Variants in SORCS3 observed in about 807,000 individuals in gnomAD.
The protein encoded by SORCS3 is sortilin related VPS10 domain containing receptor 3, also known as VPS10 domain-containing receptor SorCS3.
Under a neutral mutation model 146.3 loss-of-function variants are expected in SORCS3, and 57 were observed. The ratio of observed to expected loss-of-function variants is 0.39; its 90% CI spans 0.31 to 0.49. The LOEUF (loss-of-function observed/expected upper bound fraction) is 0.49, where lower values mean the gene tolerates loss of function less well. Among genes scored for constraint, SORCS3 ranks in the 20% least tolerant of loss-of-function variants. SORCS3 has a pLI of 0.92. For missense variants in SORCS3, 1,341 were observed against 1,575.5 expected (o/e 0.85, Z 2.52); for synonymous variants, 653 against 618.5 (o/e 1.06, Z -0.83).
chr10:104,932,756 G>A (rs2019220339), intron 3 of SORCS3, among the ~76,000 whole-genome samples: 1 of 152,152 alleles, frequency 6.6e-6, no homozygotes, highest in Admixed American at 6.5e-5. Context: ...GCAGTAGAGC[G>A]ATCATAGCTC....
At chr10:105,160,011 A>G (rs1276455051) in intron 11 of SORCS3, among the ~76,000 whole-genome samples, 1 of 152,144 alleles carries the variant, frequency 6.6e-6, no homozygotes, top group Non-Finnish European at 1.5e-5. Flanking sequence ...CTGAGGAGAG[A>G]TGAAGGCAGG....
intron 14 of SORCS3, among the ~76,000 whole-genome samples, chr10:105,182,738 C>T (rs971770975): frequency 1.3e-5 from 2 of 152,052 alleles, no homozygotes; most frequent in Admixed American, 6.5e-5. Flanking sequence ...CTCTGTTGCC[C>T]AGGTTGGAGT....
Position 104,955,579 on chromosome 10 carries a change from G to A in SORCS3, c.796-21756G>A, listed in dbSNP as rs370609703. ...TTGTACAAAATATTCCCTGCTACTG[G>A]GTGTCTCCCTTTGGGAGGATTAGAT... On this transcript the variant is annotated intron_variant, in intron 3 of 26. Coordinates refer to ENST00000369701, the MANE Select transcript of SORCS3 (RefSeq NM_014978.3). Among the ~76,000 whole-genome samples the A allele has an allele frequency of 7.2e-5, 11 of 152,228 alleles. No homozygotes were observed. The East Asian group carries it at 1.5e-3, about 21-fold the overall frequency.
chr10:104,876,620 A>G (rs535397332), intron 2 of SORCS3, among the ~76,000 whole-genome samples: 3 of 151,938 alleles, frequency 2.0e-5, no homozygotes, highest in Non-Finnish European at 2.9e-5. Context: ...TAGAATTAGG[A>G]GTATTCCTCT....
intron 3 of SORCS3, among the ~76,000 whole-genome samples, chr10:104,962,822 T>C (rs1564723243): frequency 6.6e-6 from 1 of 152,212 alleles, no homozygotes; most frequent in Non-Finnish European, 1.5e-5. Context: ...CTCATAATCT[T>C]GCCACTTAGG....
rs59376899 is a variant in SORCS3 at position 104,788,610 on chromosome 10, G to C, written c.628-54182G>C. On this transcript the variant is annotated intron_variant, in intron 1 of 26. Transcript: ENST00000369701. ...AGCTTTTCATAGAAAACCCTTTAGT[G>C]CTTCTGGATTTGTGTTTTGTTTTCT... is the stretch of plus-strand genomic sequence containing the variant. 8.6e-3 allele frequency among the ~76,000 whole-genome samples: 1,307 copies of C among 152,220 alleles called. 16 individuals carry two copies. The highest frequency in any genetic ancestry group is 0.03 in the African/African-American group (1,238 of 41,544).
intron 3 of SORCS3, among the ~76,000 whole-genome samples, chr10:104,925,760 G>A (rs1177363117): frequency 2.6e-5 from 4 of 152,330 alleles, no homozygotes; most frequent in Admixed American, 2.6e-4. Context: ...ATGAATTGCT[G>A]TGGTCCACAG....
chr10:104,899,175 A>C (rs867295937), intron 2 of SORCS3, among the ~76,000 whole-genome samples: 11 of 152,326 alleles, frequency 7.2e-5, no homozygotes, highest in Middle Eastern at 3.4e-3. Context: ...CATCAGACAG[A>C]CCTGATATTT....
intron 1 of SORCS3, among the ~76,000 whole-genome samples, chr10:104,806,942 C>T (rs567625004): frequency 6.6e-6 from 1 of 152,152 alleles, no homozygotes; most frequent in African/African-American, 2.4e-5. Flanking sequence ...TTGAGATCTC[C>T]CTTTCCATTT....
chr10:105,115,441 A>G (rs973549650), intron 7 of SORCS3, among the ~76,000 whole-genome samples: 1 of 152,192 alleles, frequency 6.6e-6, no homozygotes, highest in Non-Finnish European at 1.5e-5. Flanking sequence ...CGATCACATA[A>G]AAGATTACTA....
chr10:105,148,313 A>C (rs1212973469), intron 9 of SORCS3, among the ~76,000 whole-genome samples: 1 of 152,154 alleles, frequency 6.6e-6, no homozygotes, highest in East Asian at 1.9e-4. Context: ...AGGGTAAAAA[A>C]CTGGCCTTGA....
In SORCS3 at chr10:104,641,604, C is replaced by A; in HGVS notation, c.277C>A (p.Gln93Lys). ...RRAGPELLPQQGGGRGGEMQV... is the reference protein window; with the variant it reads ...RRAGPELLPQKGGGRGGEMQV... Reference sequence around the variant, plus strand: ...GGCCGGACCAGAGCTGCTGCCCCAGCAGGGCGGCGGCAGAGGCGGTGAGAT... The same window carrying A: ...GGCCGGACCAGAGCTGCTGCCCCAGAAGGGCGGCGGCAGAGGCGGTGAGAT... The change falls in exon 1 of 27, where the codon CAG becomes AAG. Residue 93 changes from glutamine to lysine, a missense_variant. Coordinates refer to ENST00000369701, the MANE Select transcript of SORCS3 (RefSeq NM_014978.3). The surrounding 1 kb of genome is among the most constrained non-coding windows in gnomAD (Gnocchi z 6.4). 4.6e-6 allele frequency: 7 copies of A among 1,516,710 alleles called. No homozygotes were observed. The highest frequency in any genetic ancestry group is 6.1e-6 in the Non-Finnish European group (7 of 1,139,484). 94.0% of individuals were successfully genotyped at this position (1,516,710 alleles called of 1,614,324 possible).
chr10:105,131,766 C>T (rs917573588), intron 7 of SORCS3, among the ~76,000 whole-genome samples: 6 of 151,894 alleles, frequency 4.0e-5, no homozygotes, highest in African/African-American at 9.7e-5. Context: ...CATAATATGG[C>T]CAGAGGAGAA....
At chr10:105,137,320 T>G (rs758031718) in intron 7 of SORCS3, among the ~76,000 whole-genome samples, 2 of 152,062 alleles carry the variant, frequency 1.3e-5, no homozygotes, top group Non-Finnish European at 2.9e-5. Flanking sequence ...GGTGACCAGA[T>G]GATATATTTT....
chr10:104,995,018 T>C (rs1449218320), intron 4 of SORCS3, among the ~76,000 whole-genome samples: 2 of 152,188 alleles, frequency 1.3e-5, no homozygotes, highest in African/African-American at 4.8e-5. Context: ...AACCATTTCC[T>C]AAAGTGTTTG....
At chr10:105,258,588 A>G (rs1426379470) in intron 25 of SORCS3, among the ~76,000 whole-genome samples, 2 of 152,200 alleles carry the variant, frequency 1.3e-5, no homozygotes, top group African/African-American at 4.8e-5. Flanking sequence ...GATCCAAAGT[A>G]AGGATACTTA....
chr10:104,740,280 C>T (rs1168757255), intron 1 of SORCS3, among the ~76,000 whole-genome samples: 3 of 152,152 alleles, frequency 2.0e-5, no homozygotes, highest in Admixed American at 6.5e-5. Context: ...CATGTACTAC[C>T]GAGTTAAATA....
intron 14 of SORCS3, among the ~76,000 whole-genome samples, chr10:105,187,746 T>C (rs981499679): frequency 1.3e-5 from 2 of 152,228 alleles, no homozygotes; most frequent in African/African-American, 2.4e-5. Context: ...AGAACATTTA[T>C]TATTTCTTTA....
intron 20 of SORCS3, among the ~76,000 whole-genome samples, chr10:105,230,009 C>T (rs2056757660): frequency 6.6e-6 from 1 of 152,160 alleles, no homozygotes; most frequent in Admixed American, 6.5e-5. Context: ...GTGGTTTAGT[C>T]TTCATATCTA....
Sources: allele counts gnomAD v4.1 joint callset (sites outside exome capture counted in the v4.1 genomes callset), GRCh38; gene constraint gnomAD v4.1.1; non-coding constraint Gnocchi (gnomAD v3.1); transcripts MANE v1.5; gene names NCBI Gene and HGNC (gene_info 2026-07-23, HGNC 2026-07-21).